Variants in SAP130 observed in about 807,000 individuals in gnomAD.
The protein encoded by SAP130 is histone deacetylase complex subunit SAP130.
SAP130 carries 16 observed loss-of-function variants against 103.2 expected under a neutral mutation model. The ratio of observed to expected loss-of-function variants is 0.16; its 90% CI spans 0.10 to 0.24. The LOEUF (loss-of-function observed/expected upper bound fraction) is 0.24. Among genes scored for constraint, SAP130 ranks in the 10% least tolerant of loss-of-function variants. The probability of loss-of-function intolerance (pLI) is 1.00; values close to 1 mark genes in which losing one functional copy is unlikely to be tolerated. For missense variants in SAP130, 990 were observed against 1,359.7 expected (o/e 0.73, Z 4.28); for synonymous variants, 477 against 497.0 (o/e 0.96, Z 0.53).
chr2:127,975,553 C>A (rs1553506863), intron 15 of SAP130, among the ~76,000 whole-genome samples: 1 of 150,532 alleles, frequency 6.6e-6, no homozygotes, highest in Non-Finnish European at 1.5e-5. Context: ...TTTGGATTGA[C>A]AATAGTAATA....
intron 18 of SAP130, among the ~76,000 whole-genome samples, chr2:127,949,546 T>C (rs968171059): frequency 6.6e-6 from 1 of 152,204 alleles, no homozygotes; most frequent in African/African-American, 2.4e-5. Context: ...AGTACAGCTC[T>C]TCCACAATGA....
chr2:127,951,423 C>T (rs905390333), intron 16 of SAP130, among the ~76,000 whole-genome samples: 1 of 152,120 alleles, frequency 6.6e-6, no homozygotes, highest in East Asian at 1.9e-4. Context: ...CTGCCTCACA[C>T]CCAATCTGAA....
chr2:127,957,328 A>AG (rs1399686447), intron 15 of SAP130, among the ~76,000 whole-genome samples: 1 of 152,192 alleles, frequency 6.6e-6, no homozygotes, highest in Non-Finnish European at 1.5e-5. Context: ...AAAGGCTGAA[A>AG]GGGGAAAAAA....
intron 7 of SAP130, among the ~76,000 whole-genome samples, chr2:128,002,613 A>T (rs778358881): frequency 3.3e-5 from 5 of 152,162 alleles, no homozygotes; most frequent in Non-Finnish European, 7.4e-5. Flanking sequence ...CTGTCCCCAG[A>T]AAGAGCCCAA....
chr2:128,023,419 A>G (rs547486196), intron 2 of SAP130, among the ~76,000 whole-genome samples: 1 of 152,192 alleles, frequency 6.6e-6, no homozygotes, highest in African/African-American at 2.4e-5. Flanking sequence ...CTGGGATAAC[A>G]GGCATGAGCC....
intron 12 of SAP130, among the ~76,000 whole-genome samples, chr2:127,991,964 CTTTCT>C (rs1393200749): frequency 2.6e-5 from 4 of 152,064 alleles, no homozygotes; most frequent in Non-Finnish European, 5.9e-5. Context: ...AGCAATAACA[CTTTCT>C]TTTGTCTTTT....
Position 127,960,398 on chromosome 2 carries a change from T to C in SAP130, c.2064-5054A>G, listed in dbSNP as rs186459286. On this transcript the variant is annotated intron_variant, in intron 15 of 20. Transcript: ENST00000643581. ...AGAAGCAGGGCTTCAAGGAGGGATA[T>C]GATCAAGAAAAACCAAAAATGACAG... Among the ~76,000 whole-genome samples the C allele has an allele frequency of 1.9e-3, 294 of 152,206 alleles. 3 individuals are homozygous for C. Among genetic ancestry groups the C allele is most frequent in the African/African-American group, 6.7e-3 (277 of 41,516 alleles).
At chr2:127,943,508 ATATT>A (rs1678849731) in intron 19 of SAP130, among the ~76,000 whole-genome samples, 1 of 152,242 alleles carries the variant, frequency 6.6e-6, no homozygotes, top group Admixed American at 6.5e-5. Flanking sequence ...GAACTACCAC[ATATT>A]TAGACTATAT....
intron 14 of SAP130, among the ~76,000 whole-genome samples, chr2:127,982,527 G>T (rs1682026671): frequency 6.6e-6 from 1 of 152,216 alleles, no homozygotes. Context: ...TCGACTAACA[G>T]TGAAGACGGA....
chr2:128,021,569 C>T (rs1308854705), intron 2 of SAP130, among the ~76,000 whole-genome samples: 1 of 151,948 alleles, frequency 6.6e-6, no homozygotes, highest in Non-Finnish European at 1.5e-5. Flanking sequence ...TCTATAAAAC[C>T]TCTTTATTGG....
At chr2:127,962,994 T>C (rs1573668462) in intron 15 of SAP130, among the ~76,000 whole-genome samples, 1 of 147,576 alleles carries the variant, frequency 6.8e-6, no homozygotes, top group African/African-American at 2.6e-5. Context: ...AAATAAATTG[T>C]ATATAAATGT....
intron 19 of SAP130, among the ~76,000 whole-genome samples, chr2:127,943,870 C>T (rs761885692): frequency 3.3e-5 from 5 of 152,112 alleles, no homozygotes; most frequent in Admixed American, 6.5e-5. Context: ...ACAAATTAAC[C>T]GTAGCATACT....
chr2:127,988,951 G>A (rs2438031), intron 13 of SAP130, among the ~76,000 whole-genome samples: 113,913 of 152,128 alleles, frequency 0.75, 42,878 homozygotes, highest in East Asian at 0.83. Flanking sequence ...TCAGCATAAG[G>A]TTTTACAGCT....
At chr2:128,010,932 T>A (rs1573824401) in intron 6 of SAP130, among the ~76,000 whole-genome samples, 1 of 141,206 alleles carries the variant, frequency 7.1e-6, no homozygotes, top group African/African-American at 2.7e-5. Context: ...TCCCTTAAGA[T>A]ACCACTGACA....
rs13395315 is a variant in SAP130, at chr2:127,942,716, C to T, written c.2902-179G>A. On this transcript the variant is annotated intron_variant, in intron 19 of 20. Transcript: ENST00000643581. This position sits in a 1 kb window ranked among gnomAD's most constrained non-coding sequence, Gnocchi z 4.8. ...TTAAAAACAGTAAAGGGGCTGGGCG[C>T]GGTGGCTCACGCCTATAATCCCAGC... 5.3e-3 allele frequency among the ~76,000 whole-genome samples: 812 copies of T among 152,280 alleles called. 9 individuals are homozygous for T. Among genetic ancestry groups the T allele is most frequent in the African/African-American group, 0.019 (773 of 41,536 alleles).
chr2:128,015,767 C>A (rs1009470622), intron 4 of SAP130, among the ~76,000 whole-genome samples: 2 of 151,834 alleles, frequency 1.3e-5, no homozygotes, highest in Non-Finnish European at 2.9e-5. Flanking sequence ...CATGGTGAAA[C>A]CCCGTCTCTA....
intron 10 of SAP130, among the ~76,000 whole-genome samples, chr2:127,997,251 G>A (rs564875959): frequency 3.5e-4 from 54 of 152,284 alleles, no homozygotes; most frequent in African/African-American, 1.3e-3. Context: ...AGGTATAGCT[G>A]AACTAGAATA....
intron 15 of SAP130, among the ~76,000 whole-genome samples, chr2:127,968,800 C>G (rs1436754524): frequency 1.3e-5 from 2 of 152,126 alleles, no homozygotes; most frequent in Non-Finnish European, 2.9e-5. Flanking sequence ...AGTGAGGGCA[C>G]TGTGCCCAGC....
At chr2:128,013,581 C>T (rs1312540664) in intron 5 of SAP130, among the ~76,000 whole-genome samples, 1 of 152,132 alleles carries the variant, frequency 6.6e-6, no homozygotes. Context: ...CCCTGCAGAC[C>T]CCCATAAGGG....
Sources: allele counts gnomAD v4.1 joint callset (sites outside exome capture counted in the v4.1 genomes callset), GRCh38; gene constraint gnomAD v4.1.1; non-coding constraint Gnocchi (gnomAD v3.1); transcripts MANE v1.5; gene names NCBI Gene and HGNC (gene_info 2026-07-23, HGNC 2026-07-21).